MARCO: variants seen among roughly 807,000 people sequenced by gnomAD.
The protein encoded by MARCO is macrophage receptor with collagenous structure, also known as macrophage receptor MARCO.
A neutral mutation model predicts 70.0 loss-of-function variants in MARCO; 72 were observed. The observed-to-expected ratio is 1.03, with a 90% CI of 0.85 to 1.25. The LOEUF is 1.25. Ranked by LOEUF, MARCO falls within the 50% of genes most tolerant of loss-of-function variation. The pLI is 0.00. For missense variants in MARCO, 696 were observed against 659.3 expected, an observed-to-expected ratio of 1.06 and a Z score of -0.61; for synonymous variants, 273 against 243.1, an observed-to-expected ratio of 1.12 and a Z score of -1.14.
chr2:118,944,993 A>C (rs755329369), intron 1 of MARCO: 11 of 152,136 alleles, frequency 7.2e-5, no homozygotes, highest in Non-Finnish European at 1.5e-4. Context: ...CAAACTGTAT[A>C]TATTTATGAT....
Position 118,982,307 on chromosome 2 carries a change from C to T in MARCO, c.1001-41C>T, listed in dbSNP as rs751498255. 3.7e-6 allele frequency: 6 copies of T among 1,612,508 alleles called. No individual in the cohort carries two copies. In the South Asian group the frequency reaches 4.4e-5, roughly 12 times the overall value. On this transcript the variant is annotated intron_variant, in intron 11 of 16. Coordinates refer to ENST00000327097, the MANE Select transcript of MARCO (RefSeq NM_006770.4). ...CAGGGAGTGATGTGTGAAAACCTGC[C>T]TAGTCCAGCCCTTATGCTCTCTGTG...
rs148910099 is a variant in MARCO, at chr2:118,946,107, T to A, written c.97+3710T>A. ...TTTTTATGGTGAAGTAGTTATAGAG[T>A]CAGAGAAAATTGCAAAAAATGTACA... On this transcript the variant is annotated intron_variant, in intron 1 of 16. Coordinates refer to ENST00000327097, the MANE Select transcript of MARCO (RefSeq NM_006770.4). Among the ~76,000 whole-genome samples the A allele has an allele frequency of 1.8e-3, 274 of 152,266 alleles. 3 individuals are homozygous for A. The highest frequency in any genetic ancestry group is 6.4e-3 in the African/African-American group (265 of 41,540).
rs558041202 is a variant in MARCO at position 118,965,148 on chromosome 2, C to T, written c.98-4012C>T. Among the ~76,000 whole-genome samples, 3 of 152,184 alleles carry T rather than the reference C, an allele frequency of 2.0e-5. No homozygotes were observed. The South Asian group carries it at 6.2e-4, about 32-fold the overall frequency. ...TTATTTCTTTGAATATTTTTTAAGC[C>T]TCACACTTTTTCTAGGAATTAAATG... On this transcript the variant is annotated intron_variant, in intron 1 of 16. Transcript: ENST00000327097.
Position 118,980,126 on chromosome 2 carries a change from A to G in MARCO, c.767-1283A>G, listed in dbSNP as rs182193703. On this transcript the variant is annotated intron_variant, in intron 8 of 16. Coordinates refer to ENST00000327097, the MANE Select transcript of MARCO (RefSeq NM_006770.4). ...CTTCATGTGGCCCAGCAATGCTGTA[A>G]CTTGATGGTCCTGGCCCACAGCAAA... 1.8e-3 allele frequency among the ~76,000 whole-genome samples: 281 copies of G among 152,312 alleles called. 5 individuals carry two copies. The highest frequency in any genetic ancestry group is 6.5e-3 in the African/African-American group (269 of 41,560).
At chr2:118,990,785 A>G in intron 13 of MARCO, 152 bp downstream of exon 13, 1 of 735,734 alleles carries the variant, frequency 1.4e-6, no homozygotes, top group Non-Finnish European at 2.3e-6. Flanking sequence ...CAAGCCTCAG[A>G]TTTCTCCGCT....
chr2:118,951,735 C>T (rs904302763), intron 1 of MARCO, among the ~76,000 whole-genome samples: 1 of 152,178 alleles, frequency 6.6e-6, no homozygotes, highest in African/African-American at 2.4e-5. Context: ...TTTAAATTTA[C>T]CCTGGCTTTT....
At chr2:118,992,113 G>A (rs960434523) in intron 14 of MARCO, among the ~76,000 whole-genome samples, 1 of 152,194 alleles carries the variant, frequency 6.6e-6, no homozygotes, top group African/African-American at 2.4e-5. Context: ...ACATGCACTT[G>A]AGCCATGCCC....
At chr2:118,976,896 A>G (rs540608676) in intron 6 of MARCO, among the ~76,000 whole-genome samples, 56 of 152,282 alleles carry the variant, frequency 3.7e-4, no homozygotes, top group African/African-American at 1.3e-3. Context: ...ACTACTACAG[A>G]ATACCTGAGA....
intron 12 of MARCO, among the ~76,000 whole-genome samples, chr2:118,987,869 A>C (rs951715729): frequency 2.6e-5 from 4 of 152,206 alleles, no homozygotes; most frequent in African/African-American, 9.7e-5. Context: ...AAATGGCCTC[A>C]GGGAGGCTGG....
chr2:118,957,695 G>T (rs1679864297), intron 1 of MARCO, among the ~76,000 whole-genome samples: 2 of 151,854 alleles, frequency 1.3e-5, no homozygotes, highest in Admixed American at 1.3e-4. Context: ...ACCAGGAAAG[G>T]ACACAACCAA....
chr2:118,982,519 G>C, intron 12 of MARCO, 109 bp downstream of exon 12: 2 of 1,084,348 alleles, frequency 1.8e-6, no homozygotes, highest in Non-Finnish European at 2.8e-6. Context: ...GGTCTTCTGT[G>C]CCTTGGCCTC....
At chr2:118,964,024 T>C (rs1679997226) in intron 1 of MARCO, among the ~76,000 whole-genome samples, 1 of 152,206 alleles carries the variant, frequency 6.6e-6, no homozygotes, top group Non-Finnish European at 1.5e-5. Flanking sequence ...ATAGTTTTCT[T>C]AATGGTTTCT....
intron 8 of MARCO, among the ~76,000 whole-genome samples, chr2:118,978,411 G>A (rs1432206716): frequency 1.3e-5 from 2 of 152,170 alleles, no homozygotes; most frequent in Non-Finnish European, 2.9e-5. Flanking sequence ...AGGGCTCGAG[G>A]GTCTGTTTCA....
chr2:118,954,879 A>G (rs1679798519), intron 1 of MARCO, among the ~76,000 whole-genome samples: 1 of 152,094 alleles, frequency 6.6e-6, no homozygotes, highest in Non-Finnish European at 1.5e-5. Context: ...AGAATACTAC[A>G]TCAAGGGAAC....
At position 118,947,613 on chromosome 2, in the gene MARCO, C is replaced by A. The variant is rs1453737429; in HGVS notation, c.97+5216C>A. ...AGGCTATCCTTTCCCTGTTGAATTG[C>A]TTTTACACCTTTGTCAAAAACAACT... On this transcript the variant is annotated intron_variant, in intron 1 of 16. Transcript: ENST00000327097. Among the ~76,000 whole-genome samples, 3 of 136,972 alleles carry A rather than the reference C, an allele frequency of 2.2e-5. 1 individual carries two copies. The East Asian group carries it at 5.8e-4, about 26-fold the overall frequency. 89.9% of individuals were successfully genotyped at this position (136,972 alleles called of 152,430 possible).
intron 1 of MARCO, among the ~76,000 whole-genome samples, chr2:118,956,708 A>G (rs1217345622): frequency 6.6e-6 from 1 of 152,188 alleles, no homozygotes; most frequent in African/African-American, 2.4e-5. Context: ...TCAACAGTGC[A>G]TGGAACTTTC....
chr2:118,980,322 C>T (rs1680365293), intron 8 of MARCO, among the ~76,000 whole-genome samples: 1 of 152,182 alleles, frequency 6.6e-6, no homozygotes, highest in Non-Finnish European at 1.5e-5. Flanking sequence ...CTTAGGATTG[C>T]TTTGTCTTCC....
intron 16 of MARCO, 50 bp from the exon 17 acceptor site, chr2:118,994,337 G>A: frequency 1.2e-6 from 2 of 1,611,332 alleles, no homozygotes; most frequent in South Asian, 2.2e-5. Context: ...TCTTTGCTTT[G>A]ACTCTAATCC....
chr2:118,984,888 A>G (rs1680456137), intron 12 of MARCO, among the ~76,000 whole-genome samples: 1 of 152,186 alleles, frequency 6.6e-6, no homozygotes, highest in Admixed American at 6.5e-5. Context: ...AAACTGATGT[A>G]TTTCCCATTT....
Sources: allele counts gnomAD v4.1 joint callset (sites outside exome capture counted in the v4.1 genomes callset), GRCh38; gene constraint gnomAD v4.1.1; transcripts MANE v1.5; gene names NCBI Gene and HGNC (gene_info 2026-07-23, HGNC 2026-07-21).